Variants in CTNNA3 observed in about 807,000 individuals in gnomAD.
CTNNA3 encodes the protein catenin alpha 3, also known as catenin alpha-3.
Under a neutral mutation model 95.7 loss-of-function variants are expected in CTNNA3, and 76 were observed. That is an observed-to-expected ratio of 0.79 (90% CI 0.66 to 0.96). The LOEUF (loss-of-function observed/expected upper bound fraction) is 0.96. Among genes scored for constraint, CTNNA3 ranks in the 40% least tolerant of loss-of-function variants. The pLI is 0.00. For missense variants in CTNNA3, 1,191 were observed against 1,089.8 expected (o/e 1.09, Z -1.31); for synonymous variants, 431 against 374.4 (o/e 1.15, Z -1.74).
chr10:66,781,746 T>C (rs1164004097), intron 7 of CTNNA3, among the ~76,000 whole-genome samples: 4 of 152,132 alleles, frequency 2.6e-5, no homozygotes, highest in Non-Finnish European at 4.4e-5. Context: ...CCTGCTGGGG[T>C]ATGTCTGGAA....
intron 11 of CTNNA3, among the ~76,000 whole-genome samples, chr10:66,461,538 C>T (rs1311504850): frequency 6.6e-6 from 1 of 151,836 alleles, no homozygotes; most frequent in Non-Finnish European, 1.5e-5. Context: ...ATCCCTGCTT[C>T]TTGGGTAGTG....
chr10:66,628,405 G>A (rs545238583), intron 9 of CTNNA3, among the ~76,000 whole-genome samples: 58 of 152,142 alleles, frequency 3.8e-4, no homozygotes. Context: ...GTTATGGGGG[G>A]AAACACCTGA....
At chr10:66,455,666 C>A (rs1364123160) in intron 11 of CTNNA3, among the ~76,000 whole-genome samples, 1 of 152,142 alleles carries the variant, frequency 6.6e-6, no homozygotes, top group African/African-American at 2.4e-5. Flanking sequence ...ATACTACTAG[C>A]CAATAGTCCA....
intron 10 of CTNNA3, among the ~76,000 whole-genome samples, chr10:66,581,711 A>G (rs1161264373): frequency 6.6e-6 from 1 of 151,498 alleles, no homozygotes; most frequent in Non-Finnish European, 1.5e-5. Context: ...GTTATAAATT[A>G]TTTGCCTATG....
chr10:67,454,306 A>T (rs1847090536), intron 5 of CTNNA3, among the ~76,000 whole-genome samples: 1 of 152,146 alleles, frequency 6.6e-6, no homozygotes, highest in Non-Finnish European at 1.5e-5. Context: ...TTATTTAAGA[A>T]ATACATATGT....
intron 5 of CTNNA3, among the ~76,000 whole-genome samples, chr10:67,339,724 T>C (rs530559928): frequency 4.6e-5 from 7 of 152,214 alleles, no homozygotes; most frequent in Non-Finnish European, 8.8e-5. Context: ...TATGTTGAAA[T>C]AGCTGTTATT....
At chr10:66,182,370 C>T (rs1248749221) in intron 13 of CTNNA3, among the ~76,000 whole-genome samples, 1 of 152,038 alleles carries the variant, frequency 6.6e-6, no homozygotes, top group Non-Finnish European at 1.5e-5. Context: ...ATTCTCCTGC[C>T]TCAGCCTCCC....
chr10:66,037,163 T>G (rs1187324566), intron 15 of CTNNA3, among the ~76,000 whole-genome samples: 3 of 152,098 alleles, frequency 2.0e-5, no homozygotes, highest in Non-Finnish European at 2.9e-5. Flanking sequence ...TGAGCCACCG[T>G]GCCTGGCCAG....
At chr10:67,379,505 C>T (rs1017198072) in intron 5 of CTNNA3, among the ~76,000 whole-genome samples, 1 of 152,116 alleles carries the variant, frequency 6.6e-6, no homozygotes, top group African/African-American at 2.4e-5. Context: ...GGAAAATGGA[C>T]TAAAAATATA....
intron 9 of CTNNA3, among the ~76,000 whole-genome samples, chr10:66,750,032 T>C (rs141958223): frequency 0.011 from 1,732 of 152,326 alleles, 31 homozygotes; most frequent in African/African-American, 0.038. Flanking sequence ...GAGATTTGTT[T>C]AGGCCTTCAG....
intron 7 of CTNNA3, among the ~76,000 whole-genome samples, chr10:67,136,914 G>A (rs1043686931): frequency 2.6e-5 from 4 of 152,184 alleles, no homozygotes; most frequent in African/African-American, 9.7e-5. Context: ...AGAAGATGAT[G>A]AGTATTAGTT....
At chr10:67,103,246 A>T (rs983803752) in intron 7 of CTNNA3, among the ~76,000 whole-genome samples, 1 of 151,858 alleles carries the variant, frequency 6.6e-6, no homozygotes, top group Non-Finnish European at 1.5e-5. Flanking sequence ...TTCCCATATC[A>T]ATGTGAATCT....
At chr10:66,181,682 T>A (rs80355872) in intron 13 of CTNNA3, among the ~76,000 whole-genome samples, 1,532 of 152,228 alleles carry the variant, frequency 0.01, 32 homozygotes, top group African/African-American at 0.035. Flanking sequence ...TGAGAAGTAT[T>A]TACTAAGCTA....
At chr10:66,524,133 A>C (rs995553789) in intron 10 of CTNNA3, among the ~76,000 whole-genome samples, 1 of 21,928 alleles carries the variant, frequency 4.6e-5, no homozygotes, top group Non-Finnish European at 1.3e-4. Context: ...CGTCTCAGGA[A>C]ACATTTTTCA....
chr10:65,951,369 T>G (rs2133208639), intron 17 of CTNNA3, among the ~76,000 whole-genome samples: 1 of 152,040 alleles, frequency 6.6e-6, no homozygotes, highest in South Asian at 2.1e-4. Flanking sequence ...CCCAAAGAGA[T>G]TAATGTCTAG....
At chr10:66,155,435 A>C (rs1272238397) in intron 13 of CTNNA3, among the ~76,000 whole-genome samples, 1 of 151,902 alleles carries the variant, frequency 6.6e-6, no homozygotes, top group Non-Finnish European at 1.5e-5. Context: ...TTTGATTTCA[A>C]AAGTGGCACC....
At chr10:67,460,242 A>G (rs1177025348) in intron 5 of CTNNA3, among the ~76,000 whole-genome samples, 1 of 152,124 alleles carries the variant, frequency 6.6e-6, no homozygotes, top group Non-Finnish European at 1.5e-5. Flanking sequence ...TGACTTCCAG[A>G]TATAGGGCCA....
chr10:66,605,078 C>T (rs1044703036), intron 10 of CTNNA3, among the ~76,000 whole-genome samples: 18 of 152,146 alleles, frequency 1.2e-4, no homozygotes, highest in African/African-American at 2.2e-4. Context: ...ACAACAGAAA[C>T]GGACAGACAA....
chr10:67,548,804 A>T (rs866518920), intron 3 of CTNNA3, among the ~76,000 whole-genome samples: 49 of 152,266 alleles, frequency 3.2e-4, no homozygotes, highest in African/African-American at 1.2e-3. Context: ...AAAATCATTA[A>T]GAAGGTAAAA....
Sources: allele counts gnomAD v4.1 joint callset (sites outside exome capture counted in the v4.1 genomes callset), GRCh38; gene constraint gnomAD v4.1.1; transcripts MANE v1.5; gene names NCBI Gene and HGNC (gene_info 2026-07-23, HGNC 2026-07-21).